Variants in COL5A1 observed in about 807,000 individuals in gnomAD.
COL5A1 encodes collagen alpha-1(V) chain.
COL5A1 carries 16 observed loss-of-function variants against 263.7 expected under a neutral mutation model. That is an observed-to-expected ratio of 0.06 (90% CI 0.04 to 0.09). COL5A1 has a LOEUF of 0.09. Among genes scored for constraint, COL5A1 ranks in the 10% least tolerant of loss-of-function variants. The pLI is 1.00. For missense variants in COL5A1, 2,036 were observed against 2,540.5 expected (o/e 0.80, Z 4.27); for synonymous variants, 1,012 against 1,004.5 (o/e 1.01, Z -0.14).
At chr9:134,646,763 G>C (rs550425113) in intron 1 of COL5A1, among the ~76,000 whole-genome samples, 1 of 152,156 alleles carries the variant, frequency 6.6e-6, no homozygotes, top group Non-Finnish European at 1.5e-5. Flanking sequence ...TTGGGTACCT[G>C]TGCTGGGTGA....
In COL5A1 at chr9:134,678,090, A is replaced by G. The variant is rs1049217965; in HGVS notation, c.110-12822A>G. Among the ~76,000 whole-genome samples, 1 of 152,154 alleles carries G rather than the reference A, an allele frequency of 6.6e-6. No homozygotes were observed. The highest frequency in any genetic ancestry group is 1.5e-5 in the Non-Finnish European group (1 of 68,022). ...CTCTCCCCAGCGTCACTCCCTCCGC[A>G]GCAGGGTATCTGCAGGGGTCTTGGA... On this transcript the variant is annotated intron_variant, in intron 1 of 65. Coordinates refer to ENST00000371817, the MANE Select transcript of COL5A1 (RefSeq NM_000093.5). This position sits in a 1 kb window ranked among gnomAD's most constrained non-coding sequence, Gnocchi z 5.5.
At chr9:134,745,666 G>A (rs561892588) in intron 11 of COL5A1, among the ~76,000 whole-genome samples, 1 of 152,292 alleles carries the variant, frequency 6.6e-6, no homozygotes, top group African/African-American at 2.4e-5. Context: ...GGCTCAGTAG[G>A]AACCCTCTCA....
At chr9:134,746,048 A>G (rs1443166154) in intron 11 of COL5A1, among the ~76,000 whole-genome samples, 1 of 152,132 alleles carries the variant, frequency 6.6e-6, no homozygotes, top group Non-Finnish European at 1.5e-5. Flanking sequence ...TCCCATCCTC[A>G]AAGACCCCAA....
chr9:134,787,904 C>G (rs953375876), intron 31 of COL5A1, among the ~76,000 whole-genome samples: 1 of 152,176 alleles, frequency 6.6e-6, no homozygotes, highest in African/African-American at 2.4e-5. Flanking sequence ...TGATGAAACT[C>G]CATTTGGCTT....
chr9:134,796,408 C>T lies in COL5A1; in HGVS notation c.2834C>T (p.Pro945Leu). ...NSGGDGPAGP[P>L]GERGPNGPQG... ...GGAGGTGACGGCCCAGCTGGCCCTC[C>T]TGGTGAACGGGTAAGCAGCTGGAGC... The change falls in exon 35 of 66, where the codon CCT becomes CTT. Residue 945 changes from proline to leucine, a missense_variant. By Grantham distance (98) the Pro-to-Leu change is moderately conservative. Coordinates refer to ENST00000371817, the MANE Select transcript of COL5A1 (RefSeq NM_000093.5). 6.2e-7 allele frequency: 1 copy of T among 1,614,168 alleles called. No homozygotes were observed.
intron 4 of COL5A1, among the ~76,000 whole-genome samples, chr9:134,719,801 G>A (rs543556793): frequency 1.3e-5 from 2 of 152,334 alleles, no homozygotes; most frequent in African/African-American, 4.8e-5. Context: ...GAGAAGGGGC[G>A]TGTCTGAAGA....
Position 134,691,059 on chromosome 9 carries a change from C to G in COL5A1, c.257C>G (p.Pro86Arg), listed in dbSNP as rs1417550671. 9 of 1,613,400 alleles carry G rather than the reference C, an allele frequency of 5.6e-6. No homozygotes were observed. In the East Asian group the frequency reaches 1.8e-4, roughly 32 times the overall value. ...RVTKDAQLSA[P>R]TKQLYPASAF... Reference sequence around the variant, plus strand: ...ACCAAAGACGCGCAGCTCAGCGCACCCACCAAGCAGCTGTACCCTGGTAAG... The same window carrying G: ...ACCAAAGACGCGCAGCTCAGCGCACGCACCAAGCAGCTGTACCCTGGTAAG... Residue 86 changes from proline to arginine, a missense_variant, in exon 2 of 66, where the codon CCC (proline) becomes CGC (arginine). Pro to Arg is a moderately radical substitution (Grantham distance 103, BLOSUM62 -2). This residue lies in a region of COL5A1 where 600 missense variants were observed against 634.5 expected (regional missense o/e 0.95). Coordinates refer to ENST00000371817, the MANE Select transcript of COL5A1 (RefSeq NM_000093.5).
intron 31 of COL5A1, among the ~76,000 whole-genome samples, chr9:134,787,079 G>A (rs556742845): frequency 1.3e-3 from 199 of 152,354 alleles, no homozygotes; most frequent in Non-Finnish European, 2.1e-3. Context: ...CTCGTTGAAC[G>A]TGGGTGTGAT....
At chr9:134,706,663 C>G (rs934438121) in intron 4 of COL5A1, among the ~76,000 whole-genome samples, 1 of 152,196 alleles carries the variant, frequency 6.6e-6, no homozygotes, top group African/African-American at 2.4e-5. Flanking sequence ...ACAACTGTCC[C>G]CAGCCTGGAA....
At position 134,809,726 on chromosome 9, in the gene COL5A1, C is replaced by T. The variant is rs536997280; in HGVS notation, c.3474+436C>T. Among the ~76,000 whole-genome samples, 7 of 152,316 alleles carry T rather than the reference C, an allele frequency of 4.6e-5. No individual in the cohort carries two copies. The South Asian group carries it at 1.4e-3, about 32-fold the overall frequency. The stretch of plus-strand genomic sequence containing the variant: ...AAGAATGTGCTTTATAATTCCAAAA[C>T]GATGGCTGCAGGAGCTTGCATTTTA... On this transcript the variant is annotated intron_variant, in intron 43 of 65. Coordinates refer to ENST00000371817, the MANE Select transcript of COL5A1 (RefSeq NM_000093.5).
Position 134,794,955 on chromosome 9 carries a change from C to T in COL5A1, c.2701-127C>T, listed in dbSNP as rs964753570. 189 of 975,316 alleles carry T rather than the reference C, an allele frequency of 1.9e-4. No homozygotes were observed. The highest frequency in any genetic ancestry group is 4.8e-4 in the Middle Eastern group (2 of 4,184). The allele number at this position is 975,316 out of a possible 1,614,324, so 60.4% of individuals were successfully genotyped here. A position where few individuals can be genotyped will look rare whatever the true frequency, so the allele number is the denominator to read the frequency against. On this transcript the variant is annotated intron_variant, in intron 32 of 65. Coordinates refer to ENST00000371817, the MANE Select transcript of COL5A1 (RefSeq NM_000093.5). This position sits in a 1 kb window ranked among gnomAD's most constrained non-coding sequence, Gnocchi z 4.3. ...ATTAAAACACGGAAAAGGTGGGTGGCGGGGAGGCCCAGGTTCCTCCTATCC... is the reference window on the plus strand; with the variant it reads ...ATTAAAACACGGAAAAGGTGGGTGGTGGGGAGGCCCAGGTTCCTCCTATCC...
chr9:134,775,767 C>T (rs531006699), intron 27 of COL5A1, among the ~76,000 whole-genome samples: 1 of 152,320 alleles, frequency 6.6e-6, no homozygotes, highest in South Asian at 2.1e-4. Flanking sequence ...GTATATATAG[C>T]AACTAGTCAA....
Position 134,748,143 on chromosome 9 carries a change from A to G in COL5A1, c.1495-2399A>G, listed in dbSNP as rs190333353. 1.9e-3 allele frequency among the ~76,000 whole-genome samples: 268 copies of G among 144,594 alleles called. 5 individuals carry two copies. In the East Asian group the frequency reaches 0.049, roughly 26 times the overall value. 94.9% of individuals were successfully genotyped at this position (144,594 alleles called of 152,430 possible). ...GACATGCATCCACACATGCATACAC[A>G]TGCATTCACACATTCCACACGTGCA... On this transcript the variant is annotated intron_variant, in intron 11 of 65. Coordinates refer to ENST00000371817, the MANE Select transcript of COL5A1 (RefSeq NM_000093.5).
chr9:134,748,172 A>G (rs757043272), intron 11 of COL5A1, among the ~76,000 whole-genome samples: 14 of 151,458 alleles, frequency 9.2e-5, no homozygotes, highest in Non-Finnish European at 1.6e-4. Context: ...ACGTGCACAC[A>G]CATGCATTCA....
chr9:134,679,372 CGGGGCTGGTT>C (rs1832771382), intron 1 of COL5A1, among the ~76,000 whole-genome samples: 2 of 68,258 alleles, frequency 2.9e-5, no homozygotes, highest in African/African-American at 6.1e-5. Flanking sequence ...GGGGGCACTG[CGGGGCTGGTT>C]AGGGGGCACT....
chr9:134,756,069 C>T, intron 16 of COL5A1, among the ~76,000 whole-genome samples: 1 of 152,108 alleles, frequency 6.6e-6, no homozygotes, highest in African/African-American at 2.4e-5. Flanking sequence ...TTCATAGAGA[C>T]CCTGTTCCCT....
At position 134,811,716 on chromosome 9, in the gene COL5A1, G is replaced by T. The variant is rs1381354815; in HGVS notation, c.3690+117G>T. The stretch of plus-strand genomic sequence containing the variant: ...GGAAAACTAAAGCCAGGCTGCAGGG[G>T]GCCTCCTGGGCCTCCTCATTCCAAC... On this transcript the variant is annotated intron_variant, in intron 46 of 65. Transcript: ENST00000371817. 4 of 822,568 alleles carry T rather than the reference G, an allele frequency of 4.9e-6. No individual in the cohort carries two copies. In the African/African-American group the frequency reaches 5.1e-5, roughly 10 times the overall value. 51.0% of individuals were successfully genotyped at this position (822,568 alleles called of 1,614,324 possible). A position where few individuals can be genotyped will look rare whatever the true frequency, so the allele number is the denominator to read the frequency against.
intron 1 of COL5A1, among the ~76,000 whole-genome samples, chr9:134,660,336 G>A (rs561330431): frequency 1.3e-5 from 2 of 152,280 alleles, no homozygotes; most frequent in African/African-American, 4.8e-5. Context: ...CTGAAGATTC[G>A]CTACCTGGGT....
At chr9:134,649,553 G>A (rs1442983936) in intron 1 of COL5A1, 3 of 467,842 alleles carry the variant, frequency 6.4e-6, no homozygotes, top group South Asian at 1.6e-5. Flanking sequence ...CCAGGACCTC[G>A]GCAATAGGGT....
Sources: allele counts gnomAD v4.1 joint callset (sites outside exome capture counted in the v4.1 genomes callset), GRCh38; gene constraint gnomAD v4.1.1; regional missense constraint gnomAD v4.1.1; non-coding constraint Gnocchi (gnomAD v3.1); transcripts MANE v1.5; gene names NCBI Gene and HGNC (gene_info 2026-07-23, HGNC 2026-07-21).